Variants in PCDHA8 observed in about 807,000 individuals in gnomAD.
PCDHA8 encodes protocadherin alpha 8, also known as protocadherin alpha-8.
PCDHA8 carries 53 observed loss-of-function variants against 61.8 expected under a neutral mutation model. The observed-to-expected ratio is 0.86, with a 90% CI of 0.69 to 1.08. The LOEUF is 1.08. Among genes scored for constraint, PCDHA8 ranks in the 50% least tolerant of loss-of-function variants. The pLI, the probability that PCDHA8 is intolerant of heterozygous loss-of-function variation, is 0.00. For synonymous variants in PCDHA8, 618 were observed against 556.6 expected, an observed-to-expected ratio of 1.11 and a Z score of -1.55; for missense variants, 1,293 against 1,245.0, an observed-to-expected ratio of 1.04 and a Z score of -0.58.
chr5:140,909,935 A>G (rs2074774035), intron 1 of PCDHA8, among the ~76,000 whole-genome samples: 1 of 152,154 alleles, frequency 6.6e-6, no homozygotes, highest in Admixed American at 6.5e-5. Flanking sequence ...AATCACAGTT[A>G]CTCTGGTAAA....
intron 1 of PCDHA8, among the ~76,000 whole-genome samples, chr5:140,887,432 C>G (rs2061445843): frequency 6.6e-6 from 1 of 152,120 alleles, no homozygotes; most frequent in Non-Finnish European, 1.5e-5. Flanking sequence ...AGTATTTTCA[C>G]TGGGCATAGT....
chr5:140,861,121 A>G (rs556416106), intron 1 of PCDHA8: 3 of 153,482 alleles, frequency 2.0e-5, no homozygotes, highest in African/African-American at 7.2e-5. Flanking sequence ...ACAAACACCC[A>G]TTAAGACCAC....
chr5:140,887,120 G>A (rs2061314160), intron 1 of PCDHA8, among the ~76,000 whole-genome samples: 1 of 148,878 alleles, frequency 6.7e-6, no homozygotes, highest in African/African-American at 2.5e-5. Context: ...TTTTTGAGAC[G>A]GAGTCTCACT....
chr5:140,896,560 A>G (rs1583236503), intron 1 of PCDHA8, among the ~76,000 whole-genome samples: 2 of 150,934 alleles, frequency 1.3e-5, no homozygotes, highest in African/African-American at 4.9e-5. Flanking sequence ...TATTTTAAGT[A>G]GAGATGGGGT....
chr5:140,999,480 A>G, intron 3 of PCDHA8, among the ~76,000 whole-genome samples: 1 of 152,176 alleles, frequency 6.6e-6, no homozygotes, highest in East Asian at 1.9e-4. Flanking sequence ...ATTCCAACTC[A>G]AGTCTATGTT....
intron 3 of PCDHA8, among the ~76,000 whole-genome samples, chr5:141,000,648 G>A (rs559996046): frequency 8.9e-4 from 134 of 150,894 alleles, no homozygotes; most frequent in African/African-American, 2.6e-3. Flanking sequence ...GGCTGGTCTC[G>A]AACTCCTGAC....
intron 1 of PCDHA8, among the ~76,000 whole-genome samples, chr5:140,891,360 G>T (rs2063061562): frequency 6.6e-6 from 1 of 151,060 alleles, no homozygotes; most frequent in Admixed American, 6.6e-5. Context: ...CATCACCTGA[G>T]CAGTATACAT....
chr5:140,911,515 T>C (rs2075517327), intron 1 of PCDHA8, among the ~76,000 whole-genome samples: 1 of 152,226 alleles, frequency 6.6e-6, no homozygotes, highest in African/African-American at 2.4e-5. Flanking sequence ...CAGTATCTGC[T>C]TCTGAAGCTA....
At chr5:140,996,755 C>T (rs1335663800) in intron 3 of PCDHA8, among the ~76,000 whole-genome samples, 2 of 152,142 alleles carry the variant, frequency 1.3e-5, no homozygotes, top group Non-Finnish European at 2.9e-5. Context: ...TATATCTGTG[C>T]AGGACTAAAA....
At chr5:140,894,405 C>T (rs1277416530) in intron 1 of PCDHA8, among the ~76,000 whole-genome samples, 4 of 151,926 alleles carry the variant, frequency 2.6e-5, no homozygotes, top group African/African-American at 9.7e-5. Flanking sequence ...CTTTGCTTTT[C>T]TTTTGTAGCT....
At chr5:140,882,062 T>G (rs78484684) in intron 1 of PCDHA8, 9 of 812,456 alleles carry the variant, frequency 1.1e-5, no homozygotes, top group Non-Finnish European at 1.5e-5. Flanking sequence ...CACTTACACG[T>G]TCATGCGCAT....
intron 1 of PCDHA8, chr5:140,968,410 T>G: frequency 6.2e-7 from 1 of 1,614,040 alleles, no homozygotes. Context: ...TCTTTGTGAC[T>G]GTGGAGGCTC....
intron 1 of PCDHA8, chr5:140,849,876 A>T (rs191347173): frequency 4.4e-6 from 7 of 1,598,522 alleles, no homozygotes; most frequent in Middle Eastern, 1.7e-4. Context: ...GTCCGAGTAC[A>T]CGGTGTTCGT....
chr5:140,989,253 G>A (rs886150768), intron 3 of PCDHA8, among the ~76,000 whole-genome samples: 4 of 152,194 alleles, frequency 2.6e-5, no homozygotes, highest in Non-Finnish European at 1.5e-5. Flanking sequence ...CTTGTCAAAA[G>A]GGAGATTCAA....
chr5:140,895,905 G>A (rs987746254), intron 1 of PCDHA8, among the ~76,000 whole-genome samples: 4 of 152,076 alleles, frequency 2.6e-5, no homozygotes, highest in Admixed American at 1.3e-4. Context: ...TCCGCGTCCC[G>A]GGCTCAACAA....
intron 3 of PCDHA8, among the ~76,000 whole-genome samples, chr5:140,998,727 G>T (rs2097831761): frequency 6.6e-6 from 1 of 152,076 alleles, no homozygotes; most frequent in African/African-American, 2.4e-5. Flanking sequence ...ACCACGCTAG[G>T]CTAATTTTGT....
intron 1 of PCDHA8, among the ~76,000 whole-genome samples, chr5:140,909,449 A>G (rs1301796561): frequency 1.3e-5 from 2 of 152,218 alleles, no homozygotes; most frequent in African/African-American, 4.8e-5. Flanking sequence ...GTCATTCTCC[A>G]AGATCCATCT....
chr5:140,879,787 T>C (rs1409881516), intron 1 of PCDHA8, among the ~76,000 whole-genome samples: 2 of 152,204 alleles, frequency 1.3e-5, no homozygotes. Flanking sequence ...AATCTGGTTT[T>C]TGTTTCTTCC....
chr5:140,950,896 A>G (rs1023778505), intron 1 of PCDHA8, among the ~76,000 whole-genome samples: 1 of 151,834 alleles, frequency 6.6e-6, no homozygotes, highest in Non-Finnish European at 1.5e-5. Context: ...TCTGAGATTT[A>G]TTTTATTTTT....
Sources: allele counts gnomAD v4.1 joint callset (sites outside exome capture counted in the v4.1 genomes callset), GRCh38; gene constraint gnomAD v4.1.1; transcripts MANE v1.5; gene names NCBI Gene and HGNC (gene_info 2026-07-23, HGNC 2026-07-21).